NAALADL1: variants seen among roughly 807,000 people sequenced by gnomAD.
The protein encoded by NAALADL1 is N-acetylated alpha-linked acidic dipeptidase like 1, also known as aminopeptidase NAALADL1.
Under a neutral mutation model 82.8 loss-of-function variants are expected in NAALADL1, and 77 were observed. The ratio of observed to expected loss-of-function variants is 0.93; its 90% CI spans 0.77 to 1.12. NAALADL1 has a LOEUF of 1.12. NAALADL1 is among the 50% of genes most tolerant of loss of function. The pLI is 0.00. For synonymous variants in NAALADL1, 358 were observed against 399.2 expected, an observed-to-expected ratio of 0.90 and a Z score of 1.23; for missense variants, 956 against 964.0, an observed-to-expected ratio of 0.99 and a Z score of 0.11.
chr11:65,045,696 T>G lies in NAALADL1; in HGVS notation c.2036+126A>C, dbSNP rs568401051. 127 of 1,019,504 alleles carry G rather than the reference T, an allele frequency of 1.2e-4. No homozygotes were observed. In the African/African-American group the frequency reaches 1.9e-3, roughly 15 times the overall value. 63.2% of individuals were successfully genotyped at this position (1,019,504 alleles called of 1,614,324 possible). A position where few individuals can be genotyped will look rare whatever the true frequency, so the allele number is the denominator to read the frequency against. On this transcript the variant is annotated intron_variant, in intron 17 of 17. Coordinates refer to ENST00000358658, the MANE Select transcript of NAALADL1 (RefSeq NM_005468.3). ...TTTCCTCCCCTCCCTGAGCCTTACA[T>G]TCCCATCTTCTTCAGGGGCTGGGTT...
In NAALADL1 at chr11:65,053,906, G is replaced by A. The variant is rs890255614; in HGVS notation, c.993-330C>T. Among the ~76,000 whole-genome samples the A allele has an allele frequency of 6.6e-6, 1 of 152,086 alleles. No homozygotes were observed. Among genetic ancestry groups the A allele is most frequent in the Non-Finnish European group, 1.5e-5 (1 of 68,000 alleles). ...GGGGCCTGGGAGGAGAGGGCACCTG[G>A]AGGCCAGTGGGTGCTGTAGGGAGGG... On this transcript the variant is annotated intron_variant, in intron 6 of 17. Transcript: ENST00000358658. The surrounding 1 kb of genome is among the most constrained non-coding windows in gnomAD (Gnocchi z 4.3).
Position 65,045,864 on chromosome 11 carries a change from G to A in NAALADL1, c.1994C>T (p.Thr665Ile), listed in dbSNP as rs971022864. 1 of 1,614,134 alleles carries A rather than the reference G, an allele frequency of 6.2e-7. No homozygotes were observed. The highest frequency in any genetic ancestry group is 8.5e-7 in the Non-Finnish European group (1 of 1,180,010). The change falls in exon 17 of 18, where the codon ACC (threonine) becomes ATC (isoleucine). Residue 665 changes from threonine (T) to isoleucine (I), a missense_variant. Coordinates refer to ENST00000358658, the MANE Select transcript of NAALADL1 (RefSeq NM_005468.3). Reference sequence around the variant, plus strand: ...TGGGAAGGCTCTAGGGTTCAGAAAGGTCCGTTCCAAGAGCATCAACTGGTC... The same window carrying A: ...TGGGAAGGCTCTAGGGTTCAGAAAGATCCGTTCCAAGAGCATCAACTGGTC... ...LNDQLMLLERTFLNPRAFPEE... is the reference protein window; with the variant it reads ...LNDQLMLLERIFLNPRAFPEE...
Position 65,046,181 on chromosome 11 carries a change from G to A in NAALADL1, c.1855+8C>T. ...CTCCCCATACCTCAGGGTCAGGGCT[G>A]TGCATACCCAGGCTGATGCTGTGCT... On this transcript the variant is annotated splice_region_variant and intron_variant, in intron 15 of 17. Coordinates refer to ENST00000358658, the MANE Select transcript of NAALADL1 (RefSeq NM_005468.3). 1 of 1,614,120 alleles carries A rather than the reference G, an allele frequency of 6.2e-7. No individual in the cohort carries two copies. Among genetic ancestry groups the A allele is most frequent in the South Asian group, 1.1e-5 (1 of 91,088 alleles).
chr11:65,058,966 C>T (rs1007417249), upstream of NAALADL1, among the ~76,000 whole-genome samples: 3 of 152,122 alleles, frequency 2.0e-5, no homozygotes, highest in Non-Finnish European at 2.9e-5. Context: ...TCTTGCTGGA[C>T]GTAAGCTGTG....
rs749299773 is a variant in NAALADL1, at chr11:65,047,973, C to T, written c.1416+8G>A. The T allele has an allele frequency of 1.2e-6, 2 of 1,606,258 alleles. No homozygotes were observed. Among genetic ancestry groups the T allele is most frequent in the East Asian group, 2.3e-5 (1 of 44,434 alleles). On this transcript the variant is annotated splice_region_variant and intron_variant, in intron 11 of 17. Coordinates refer to ENST00000358658, the MANE Select transcript of NAALADL1 (RefSeq NM_005468.3). ...TAGTTCAGCCCCGCCCGGCCTGCCC[C>T]CTTCCACCTCTTTGGTTGCAGAGAA...
At position 65,048,219 on chromosome 11, in the gene NAALADL1, C is replaced by T. The variant is rs772756452; in HGVS notation, c.1285-4G>A. The T allele has an allele frequency of 4.3e-6, 7 of 1,613,884 alleles. No homozygotes were observed. In the East Asian group the frequency reaches 6.7e-5, roughly 15 times the overall value. On this transcript the variant is annotated splice_polypyrimidine_tract_variant and splice_region_variant and intron_variant, in intron 9 of 17. Coordinates refer to ENST00000358658, the MANE Select transcript of NAALADL1 (RefSeq NM_005468.3). ...CCTGCAGCTTGTTGAAGAACTCCTG[C>T]GGGTGCGAGGGGCGACGTCAGCCCC...
chr11:65,052,341 T>G (rs1392633790), intron 8 of NAALADL1, among the ~76,000 whole-genome samples: 1 of 150,844 alleles, frequency 6.6e-6, no homozygotes, highest in Non-Finnish European at 1.5e-5. Context: ...TTAGACGGGG[T>G]CTTGCTCCAT....
intron 17 of NAALADL1, 145 bp downstream of exon 17, chr11:65,045,677 C>G (rs867101903): frequency 3.2e-6 from 3 of 939,432 alleles, no homozygotes; most frequent in Non-Finnish European, 4.7e-6. Context: ...CAACTTTCCT[C>G]CCCTCCCTGA....
upstream of NAALADL1, among the ~76,000 whole-genome samples, chr11:65,058,862 C>A (rs1288816052): frequency 3.3e-5 from 5 of 152,176 alleles, no homozygotes; most frequent in Non-Finnish European, 5.9e-5. Context: ...GTGCCCACTG[C>A]CCACCCTCAC....
Position 65,054,627 on chromosome 11 carries a change from G to A in NAALADL1, c.715C>T (p.Leu239=). 1 of 1,614,058 alleles carries A rather than the reference G, an allele frequency of 6.2e-7. No homozygotes were observed. The highest frequency in any genetic ancestry group is 1.1e-5 in the South Asian group (1 of 91,064). ...CCTCGCTCCACTCCTGAGGGGGGCA[G>A]GTACCAGGAGTTGGGAAAGGTTTCG... ...PDETFPNSWY[L]PPSGVERGSY... The change falls in exon 5 of 18, where the codon CTG becomes TTG. Residue 239 remains leucine (L), a synonymous_variant. Coordinates refer to ENST00000358658, the MANE Select transcript of NAALADL1 (RefSeq NM_005468.3). This position sits in a 1 kb window ranked among gnomAD's most constrained non-coding sequence, Gnocchi z 4.3.
chr11:65,060,134 GTGTGTGTGTGTGTGCACGTGCA>G (rs1472784273), upstream of NAALADL1, among the ~76,000 whole-genome samples: 286 of 152,196 alleles, frequency 1.9e-3, 3 homozygotes, highest in Non-Finnish European at 2.8e-3. Flanking sequence ...GTGTGTGTGT[GTGTGTGTGTGTGTGCACGTGCA>G]TGTGTGTGTG....
chr11:65,051,789 A>C (rs1029678649), intron 8 of NAALADL1, among the ~76,000 whole-genome samples: 3 of 152,216 alleles, frequency 2.0e-5, no homozygotes, highest in Non-Finnish European at 4.4e-5. Flanking sequence ...AAGATGAAGA[A>C]GTTCTGGAGC....
At chr11:65,061,048 A>T (rs1054424843), upstream of NAALADL1, among the ~76,000 whole-genome samples, 4 of 151,818 alleles carry the variant, frequency 2.6e-5, no homozygotes, top group African/African-American at 9.7e-5. Context: ...TTAACCCCCA[A>T]TCCTCTCTGC....
rs1590766430 is a variant in NAALADL1 at position 65,053,217 on chromosome 11, C to T, written c.1198+1G>A. The stretch of plus-strand genomic sequence containing the variant: ...TGGTCCAGGGGAGGGGGCCGCCTCA[C>T]CCTTCTTCAGCAGGGTCCCCAGGAC... On this transcript the variant is annotated splice_donor_variant, in intron 8 of 17. Transcript: ENST00000358658. LOFTEE classifies it high-confidence loss of function. The surrounding 1 kb of genome is among the most constrained non-coding windows in gnomAD (Gnocchi z 4.3). 10 of 1,540,490 alleles carry T rather than the reference C, an allele frequency of 6.5e-6. No individual in the cohort carries two copies. The East Asian group carries it at 2.4e-4, about 37-fold the overall frequency.
At position 65,047,722 on chromosome 11, in the gene NAALADL1, G is replaced by T; in HGVS notation, c.1433C>A (p.Pro478His). 6.2e-7 allele frequency: 1 copy of T among 1,604,858 alleles called. No individual in the cohort carries two copies. Among genetic ancestry groups the T allele is most frequent in the Non-Finnish European group, 8.5e-7 (1 of 1,176,662 alleles). ...SATKEIRSPG[P>H]GDLSIYDNWI... ...GTTGTCGTAGATGCTCAGGTCGCCA[G>T]GGCCTGGTGAGCGGATCTGGCCGGA... The change falls in exon 12 of 18, where the codon CCT becomes CAT. Residue 478 changes from proline (P) to histidine (H), a missense_variant. Coordinates refer to ENST00000358658, the MANE Select transcript of NAALADL1 (RefSeq NM_005468.3).
At chr11:65,052,643 T>A (rs1405064948) in intron 8 of NAALADL1, among the ~76,000 whole-genome samples, 1 of 152,034 alleles carries the variant, frequency 6.6e-6, no homozygotes, top group African/African-American at 2.4e-5. Flanking sequence ...CTCTATCATG[T>A]CCCTCTCCTG....
Position 65,057,370 on chromosome 11 carries a change from C to T in NAALADL1, c.603+1G>A, listed in dbSNP as rs760854404. On this transcript the variant is annotated splice_donor_variant, in intron 4 of 17. Coordinates refer to ENST00000358658, the MANE Select transcript of NAALADL1 (RefSeq NM_005468.3). LOFTEE classifies it high-confidence loss of function. ...TCCTGCACTGGGGGACTGCCACTCA[C>T]CTTGGCCCCACGCCCTACACCCCCA... is the stretch of plus-strand genomic sequence containing the variant. The T allele has an allele frequency of 1.1e-5, 18 of 1,606,338 alleles. No individual in the cohort carries two copies. Among genetic ancestry groups the T allele is most frequent in the Middle Eastern group, 1.7e-4 (1 of 6,048 alleles).
rs773901516 is a variant in NAALADL1 at position 65,054,443 on chromosome 11, G to C, written c.887+12C>G. 1.5e-5 allele frequency: 24 copies of C among 1,613,736 alleles called. No homozygotes were observed. The highest frequency in any genetic ancestry group is 1.9e-5 in the Non-Finnish European group (23 of 1,179,852). On this transcript the variant is annotated intron_variant, in intron 5 of 17. Coordinates refer to ENST00000358658, the MANE Select transcript of NAALADL1 (RefSeq NM_005468.3). The surrounding 1 kb of genome is among the most constrained non-coding windows in gnomAD (Gnocchi z 4.3). ...CTGGGGCTGGGCAGGACACCCCAGGGCACAAACTCACCAGAGCAGGTCTCT... is the reference window on the plus strand; with the variant it reads ...CTGGGGCTGGGCAGGACACCCCAGGCCACAAACTCACCAGAGCAGGTCTCT...
At chr11:65,058,610 T>A, upstream of NAALADL1, 1 of 1,259,922 alleles carries the variant, frequency 7.9e-7, no homozygotes, top group Non-Finnish European at 1.1e-6. Flanking sequence ...CATTACCCCA[T>A]GGGTGGCACT....
Sources: gnomAD v4.1 joint callset for allele counts (sites outside exome capture counted in the v4.1 genomes callset) on GRCh38, gnomAD v4.1.1 for gene constraint, Gnocchi (gnomAD v3.1) non-coding constraint, MANE v1.5 for transcripts, NCBI Gene and HGNC (gene_info 2026-07-23, HGNC 2026-07-21) for gene names.